Variants in VPS13B observed in about 807,000 individuals in gnomAD.
The protein encoded by VPS13B is vacuolar protein sorting 13 homolog B.
VPS13B carries 285 observed loss-of-function variants against 426.4 expected under a neutral mutation model. The observed-to-expected ratio is 0.67, with a 90% CI of 0.61 to 0.74. The LOEUF (loss-of-function observed/expected upper bound fraction) is 0.74, where lower values mean the gene tolerates loss of function less well. Among genes scored for constraint, VPS13B ranks in the 30% least tolerant of loss-of-function variants. VPS13B has a pLI of 0.00. For synonymous variants in VPS13B, 1,676 were observed against 1,676.4 expected, an observed-to-expected ratio of 1.00 and a Z score of 0.01; for missense variants, 4,537 against 4,782.6, an observed-to-expected ratio of 0.95 and a Z score of 1.51.
rs570330512 is a variant in VPS13B at position 99,763,911 on chromosome 8, G to T, written c.7051-2863G>T. Among the ~76,000 whole-genome samples the T allele has an allele frequency of 1.8e-4, 28 of 152,202 alleles. No homozygotes were observed. In the East Asian group the frequency reaches 4.4e-3, roughly 24 times the overall value. On this transcript the variant is annotated intron_variant, in intron 39 of 61. Transcript: ENST00000357162. ...TCCTTACAGCATCTCATCATATATG[G>T]ATGCTCAAGTCACTGTTTAAAGAAA...
At position 99,103,458 on chromosome 8, in the gene VPS13B, T is replaced by C. The variant is rs151287111; in HGVS notation, c.580+338T>C. ...AATCCTCTCACCTCAGACTCTTGAG[T>C]AGCTGAGACTACAGGCACATGCTGC... is the stretch of plus-strand genomic sequence containing the variant. On this transcript the variant is annotated intron_variant, in intron 5 of 61. Transcript: ENST00000357162. Among the ~76,000 whole-genome samples, 667 of 147,748 alleles carry C rather than the reference T, an allele frequency of 4.5e-3. 3 individuals are homozygous for C. The highest frequency in any genetic ancestry group is 0.016 in the African/African-American group (631 of 39,846).
At chr8:99,615,117 CAAAAAAAA>C (rs747102670) in intron 33 of VPS13B, among the ~76,000 whole-genome samples, 11 of 58,630 alleles carry the variant, frequency 1.9e-4, no homozygotes, top group African/African-American at 6.4e-4. Flanking sequence ...AACTCCGTCT[CAAAAAAAA>C]AAAAAAAAAA....
At position 99,111,227 on chromosome 8, in the gene VPS13B, G is replaced by A. The variant is rs751804274; in HGVS notation, c.710G>A (p.Arg237His). The A allele has an allele frequency of 1.1e-5, 18 of 1,601,318 alleles. No individual in the cohort carries two copies. The highest frequency in any genetic ancestry group is 6.8e-5 in the East Asian group (3 of 44,368). The change falls in exon 6 of 62, where the codon CGT (arginine) becomes CAT (histidine). Residue 237 changes from arginine to histidine, a missense_variant. By Grantham distance (29) the Arg-to-His change is conservative. Transcript: ENST00000357162. ...TTATACAAATGTTCCTTCAGAACTC[G>A]TCTTCATTTTACATATGAAAACCTA... Reference protein sequence around the residue: ...PLLYKCSFRTRLHFTYENLNS... With the variant: ...PLLYKCSFRTHLHFTYENLNS...
chr8:99,703,096 C>T (rs117416549), intron 36 of VPS13B, among the ~76,000 whole-genome samples: 4,884 of 152,084 alleles, frequency 0.032, 113 homozygotes, highest in Non-Finnish European at 0.047. Flanking sequence ...CCGGGCATTC[C>T]GAATACATTT....
chr8:99,029,121 G>A (rs1842353683), intron 2 of VPS13B, among the ~76,000 whole-genome samples: 3 of 141,582 alleles, frequency 2.1e-5, no homozygotes, highest in East Asian at 2.2e-4. Flanking sequence ...GGGCAGAGGC[G>A]CTCCTCACAT....
chr8:99,204,400 A>G (rs943153668), intron 17 of VPS13B, among the ~76,000 whole-genome samples: 1 of 152,236 alleles, frequency 6.6e-6, no homozygotes, highest in Admixed American at 6.5e-5. Context: ...TAAAACCACA[A>G]AAACCCTAGA....
chr8:99,038,362 C>T, intron 2 of VPS13B, 61 bp from the exon 3 acceptor site: 1 of 1,340,154 alleles, frequency 7.5e-7, no homozygotes, highest in Non-Finnish European at 1.0e-6. Context: ...AAGAAATTTG[C>T]ATATTATAAT....
intron 22 of VPS13B, among the ~76,000 whole-genome samples, chr8:99,441,755 AG>A (rs1277101860): frequency 6.6e-6 from 1 of 152,146 alleles, no homozygotes; most frequent in African/African-American, 2.4e-5. Context: ...ATTACAATTT[AG>A]GTAATTTGAA....
At position 99,726,784 on chromosome 8, in the gene VPS13B, G is replaced by A. The variant is rs568069280; in HGVS notation, c.7050+5737G>A. Among the ~76,000 whole-genome samples the A allele has an allele frequency of 4.5e-4, 68 of 152,252 alleles. No homozygotes were observed. In the South Asian group the frequency reaches 0.013, roughly 29 times the overall value. ...TTGGCCAGGCTGGTCTCGAACTCCC[G>A]ACCTCAAGTGATCTGCCCGCCTTGG... is the stretch of plus-strand genomic sequence containing the variant. On this transcript the variant is annotated intron_variant, in intron 39 of 61. Transcript: ENST00000357162.
At chr8:99,274,976 T>C (rs996454588) in intron 18 of VPS13B, 105 bp from the exon 19 acceptor site, 15 of 1,022,116 alleles carry the variant, frequency 1.5e-5, no homozygotes, top group Non-Finnish European at 2.0e-5. Flanking sequence ...TATTATCAAA[T>C]AAAGTTGAAA....
At position 99,111,170 on chromosome 8, in the gene VPS13B, G is replaced by A; in HGVS notation, c.653G>A (p.Ser218Asn). 6.2e-7 allele frequency: 1 copy of A among 1,601,772 alleles called. No individual in the cohort carries two copies. The highest frequency in any genetic ancestry group is 2.3e-5 in the East Asian group (1 of 44,274). Residue 218 changes from serine (S) to asparagine (N), a missense_variant, in exon 6 of 62, where the codon AGT becomes AAT. Physicochemically the swap from Ser to Asn is conservative, Grantham distance 46. Coordinates refer to ENST00000357162, the MANE Select transcript of VPS13B (RefSeq NM_152564.5). Reference protein sequence around the residue: ...CTVCLDKRNASGKIEFYQDPL... With the variant: ...CTVCLDKRNANGKIEFYQDPL... ...GTTTGTCTTGATAAACGGAATGCCA[G>A]TGGTAAAATAGAATTTTACCAGGAT... is the stretch of plus-strand genomic sequence containing the variant.
intron 42 of VPS13B, among the ~76,000 whole-genome samples, chr8:99,782,702 G>A (rs780349496): frequency 3.3e-5 from 5 of 152,046 alleles, no homozygotes; most frequent in African/African-American, 4.8e-5. Flanking sequence ...GGAGTGTCCT[G>A]AGCAAATGCC....
chr8:99,663,427 T>C (rs1169728427), intron 35 of VPS13B, among the ~76,000 whole-genome samples: 1 of 152,204 alleles, frequency 6.6e-6, no homozygotes, highest in African/African-American at 2.4e-5. Context: ...AAGCAAGTCA[T>C]TAAAGTGTAG....
chr8:99,289,743 G>A (rs905390948), intron 19 of VPS13B, among the ~76,000 whole-genome samples: 7 of 152,042 alleles, frequency 4.6e-5, no homozygotes. Context: ...AAGAGTGAAG[G>A]AGGAACAGGC....
In VPS13B at chr8:99,135,609, T is replaced by C. The variant is rs1162940605; in HGVS notation, c.1439T>C (p.Phe480Ser). 1 of 1,613,286 alleles carries C rather than the reference T, an allele frequency of 6.2e-7. No individual in the cohort carries two copies. Among genetic ancestry groups the C allele is most frequent in the Non-Finnish European group, 8.5e-7 (1 of 1,179,432 alleles). Residue 480 changes from phenylalanine (F) to serine (S), a missense_variant, in exon 11 of 62, where the codon TTC (phenylalanine) becomes TCC (serine). Coordinates refer to ENST00000357162, the MANE Select transcript of VPS13B (RefSeq NM_152564.5). Reference protein sequence around the residue: ...MNRSETEACFFICGDNLSTKG... With the variant: ...MNRSETEACFSICGDNLSTKG... ...ATTTGTTTTCAGGAAGCCTGTTTCT[T>C]CATTTGTGGTGACAATTTGAGTACG...
rs1239262619 is a variant in VPS13B, at chr8:99,861,945, T to A, written c.11214T>A (p.Leu3738=). 6.3e-7 allele frequency: 1 copy of A among 1,589,218 alleles called. No homozygotes were observed. Among genetic ancestry groups the A allele is most frequent in the African/African-American group, 1.3e-5 (1 of 74,642 alleles). ...TGTCCCGGCTGGGCATCAGCCTGCT[T>A]GGTAAGGGGCTGCGGGGCCTCCCAC... ...QGLSRLGISL[L]GAIAGIVDQP... Residue 3738 remains leucine, a splice_region_variant and synonymous_variant, in exon 58 of 62, where the codon CTT becomes CTA. Transcript: ENST00000357162.
chr8:99,370,958 G>A lies in VPS13B; in HGVS notation c.2825-13250G>A, dbSNP rs563039515. Among the ~76,000 whole-genome samples the A allele has an allele frequency of 1.6e-4, 24 of 152,140 alleles. 1 individual carries two copies. In the South Asian group the frequency reaches 2.9e-3, roughly 18 times the overall value. Reference sequence around the variant, plus strand: ...TTATATCTTTAGTAAGTAGGTTTTGGAATATTAAAATATGGAAAGCAGAAG... The same window carrying A: ...TTATATCTTTAGTAAGTAGGTTTTGAAATATTAAAATATGGAAAGCAGAAG... On this transcript the variant is annotated intron_variant, in intron 19 of 61. Coordinates refer to ENST00000357162, the MANE Select transcript of VPS13B (RefSeq NM_152564.5).
rs774142530 is a variant in VPS13B at position 99,274,221 on chromosome 8, C to T, written c.2539C>T (p.Pro847Ser). ...SIGVKSKNPL[P>S]TLEGSIQNVE... ...AGGTGTGAAATCTAAGAATCCCCTG[C>T]CAACTCTTGAGGGCTCAATCCAGAA... is the stretch of plus-strand genomic sequence containing the variant. The change falls in exon 18 of 62, where the codon CCA becomes TCA. Residue 847 changes from proline (P) to serine (S), a missense_variant. This residue lies in a region of VPS13B where 4,311 missense variants were observed against 4,474.3 expected (regional missense o/e 0.96). Coordinates refer to ENST00000357162, the MANE Select transcript of VPS13B (RefSeq NM_152564.5). 6.2e-7 allele frequency: 1 copy of T among 1,614,108 alleles called. No homozygotes were observed. The highest frequency in any genetic ancestry group is 8.5e-7 in the Non-Finnish European group (1 of 1,180,002).
intron 31 of VPS13B, among the ~76,000 whole-genome samples, chr8:99,567,685 CT>C (rs1825255054): frequency 6.6e-6 from 1 of 152,032 alleles, no homozygotes; most frequent in Admixed American, 6.6e-5. Context: ...ATTAGGTCCC[CT>C]ATTGAGTATT....
Sources: allele counts gnomAD v4.1 joint callset (sites outside exome capture counted in the v4.1 genomes callset), GRCh38; gene constraint gnomAD v4.1.1; regional missense constraint gnomAD v4.1.1; transcripts MANE v1.5; gene names NCBI Gene and HGNC (gene_info 2026-07-23, HGNC 2026-07-21).